The following TEX14 variants were observed in gnomAD, a reference collection of about 807,000 sequenced individuals.
TEX14 encodes testis expressed 14, intercellular bridge forming factor, also known as inactive serine/threonine-protein kinase TEX14.
Under a neutral mutation model 178.6 loss-of-function variants are expected in TEX14, and 168 were observed. That is an observed-to-expected ratio of 0.94 (90% CI 0.83 to 1.07). TEX14 has a LOEUF of 1.07. Among genes scored for constraint, TEX14 ranks in the 50% least tolerant of loss-of-function variants. The pLI is 0.00. For synonymous variants in TEX14, 626 were observed against 634.1 expected (o/e 0.99, Z 0.19); for missense variants, 1,730 against 1,753.6 (o/e 0.99, Z 0.24).
intron 1 of TEX14, chr17:58,659,471 G>T: frequency 7.9e-6 from 2 of 251,950 alleles, no homozygotes; most frequent in Non-Finnish European, 1.3e-5. Flanking sequence ...AATTTCTCCC[G>T]CGAAGAACGC....
chr17:58,594,769 T>C (rs1370914840), intron 14 of TEX14, among the ~76,000 whole-genome samples: 4 of 152,188 alleles, frequency 2.6e-5, no homozygotes, highest in South Asian at 4.1e-4. Context: ...CAATAAAGGT[T>C]ACAATACTTA....
chr17:58,630,313 C>T, intron 3 of TEX14, 127 bp downstream of exon 3: 4 of 643,998 alleles, frequency 6.2e-6, no homozygotes, highest in South Asian at 6.0e-5. Flanking sequence ...GCCTTGGCCT[C>T]CCAAAGTGCT....
At chr17:58,665,326 G>A (rs2047185513) in intron 1 of TEX14, among the ~76,000 whole-genome samples, 1 of 151,778 alleles carries the variant, frequency 6.6e-6, no homozygotes, top group Non-Finnish European at 1.5e-5. Context: ...TGTTTTGCCT[G>A]GGTGCAATGA....
intron 2 of TEX14, among the ~76,000 whole-genome samples, chr17:58,637,198 G>A (rs572586425): frequency 6.6e-6 from 1 of 152,352 alleles, no homozygotes; most frequent in African/African-American, 2.4e-5. Context: ...TCCAGCCTGG[G>A]TGACAGAACG....
rs1314107209 is a variant in TEX14, at chr17:58,576,421, TTGCAGTGAGCTGAGATCACGCCAC to T, written c.3320+930_3320+953del. On this transcript the variant is annotated intron_variant, in intron 21 of 31. Transcript: ENST00000349033. ...ATCACTTGAACCCGGGAGGTGGAGG[TTGCAGTGAGCTGAGATCACGCCAC>T]TGCAGTGAGCTGAGATCACGCCACT... Among the ~76,000 whole-genome samples the T allele has an allele frequency of 2.3e-3, 352 of 152,064 alleles. 1 individual carries two copies. Among genetic ancestry groups the T allele is most frequent in the East Asian group, 0.013 (68 of 5,176 alleles).
chr17:58,568,608 T>G, intron 26 of TEX14, among the ~76,000 whole-genome samples: 1 of 152,194 alleles, frequency 6.6e-6, no homozygotes, highest in East Asian at 1.9e-4. Flanking sequence ...TCCATAACAA[T>G]GTAACATTTA....
At chr17:58,678,616 T>C (rs934713508) in intron 1 of TEX14, among the ~76,000 whole-genome samples, 18 of 151,822 alleles carry the variant, frequency 1.2e-4, no homozygotes, top group African/African-American at 1.7e-4. Context: ...TAGGTGGGAA[T>C]TGAACAATGA....
At chr17:58,687,625 A>G (rs1004503465) in intron 1 of TEX14, among the ~76,000 whole-genome samples, 2 of 151,894 alleles carry the variant, frequency 1.3e-5, no homozygotes, top group East Asian at 3.9e-4. Flanking sequence ...GAGCCACTGC[A>G]CCCGGCCGTG....
chr17:58,582,970 CTTTT>C (rs34304842), intron 19 of TEX14, among the ~76,000 whole-genome samples: 2 of 134,688 alleles, frequency 1.5e-5, no homozygotes, highest in Non-Finnish European at 1.6e-5. Flanking sequence ...TCACTTCAGT[CTTTT>C]TTTTTTTTTT....
chr17:58,597,894 C>G (rs930550395), intron 14 of TEX14, among the ~76,000 whole-genome samples: 2 of 152,134 alleles, frequency 1.3e-5, no homozygotes, highest in African/African-American at 2.4e-5. Context: ...GCTATACCTC[C>G]TAGCCAGCTC....
Position 58,569,103 on chromosome 17 carries a change from T to C in TEX14, c.3886+89A>G. On this transcript the variant is annotated intron_variant, in intron 26 of 31. Coordinates refer to ENST00000349033, the MANE Select transcript of TEX14 (RefSeq NM_031272.5). The surrounding 1 kb of genome is among the most constrained non-coding windows in gnomAD (Gnocchi z 4.1). ...GCCATCATACAGCCTTTTATACTAG[T>C]GTTCACACTTGAGACAAAGACACCA... The C allele has an allele frequency of 9.1e-7, 1 of 1,101,720 alleles. No homozygotes were observed. The allele number at this position is 1,101,720 out of a possible 1,614,324, so 68.2% of individuals were successfully genotyped here. A position where few individuals can be genotyped will look rare whatever the true frequency, so the allele number is the denominator to read the frequency against.
At position 58,598,992 on chromosome 17, in the gene TEX14, G is replaced by A. The variant is rs776292844; in HGVS notation, c.2353C>T (p.Pro785Ser). ...SREFTNAYKL[P>S]LAVGPPSLNY... is the part of the protein sequence containing the mutation. ...AAAGATGGAGGGCCCACGGCCAGAG[G>A]TAACTTGTAGGCATTTGTAAACTCT... Residue 785 changes from proline to serine, a missense_variant, in exon 14 of 32, where the codon CCT becomes TCT. By Grantham distance (74) the Pro-to-Ser change is moderately conservative. Around this residue, in one of 2 missense-constraint regions of TEX14, gnomAD observed 941 missense variants for 1,072.4 expected, o/e 0.88. Transcript: ENST00000349033. 1 of 1,614,074 alleles carries A rather than the reference G, an allele frequency of 6.2e-7. No homozygotes were observed. Among genetic ancestry groups the A allele is most frequent in the Non-Finnish European group, 8.5e-7 (1 of 1,179,982 alleles).
chr17:58,634,332 G>C (rs1461760661), intron 2 of TEX14, among the ~76,000 whole-genome samples: 1 of 152,148 alleles, frequency 6.6e-6, no homozygotes, highest in Non-Finnish European at 1.5e-5. Context: ...AGGTTTGCTT[G>C]AACCCGAGAG....
At chr17:58,609,170 C>T (rs1403544130) in intron 10 of TEX14, among the ~76,000 whole-genome samples, 11 of 152,124 alleles carry the variant, frequency 7.2e-5, no homozygotes, top group Non-Finnish European at 1.2e-4. Context: ...AGTGCAGTGG[C>T]GTGATCTTGG....
intron 1 of TEX14, among the ~76,000 whole-genome samples, chr17:58,676,896 C>T (rs1445572963): frequency 6.6e-6 from 1 of 151,884 alleles, no homozygotes; most frequent in Non-Finnish European, 1.5e-5. Flanking sequence ...TTTGGGAGGA[C>T]GAGGCAGGCA....
chr17:58,659,342 T>G (rs972241543), intron 1 of TEX14: 63 of 983,498 alleles, frequency 6.4e-5, no homozygotes, highest in Non-Finnish European at 7.5e-5. Context: ...ACCATCGTCC[T>G]CAACACACAA....
intron 28 of TEX14, chr17:58,564,120 G>T (rs1046971693): frequency 6.6e-6 from 1 of 152,150 alleles, no homozygotes; most frequent in East Asian, 1.9e-4. Flanking sequence ...ATGGAAAATA[G>T]TGTGGCAGTT....
intron 14 of TEX14, among the ~76,000 whole-genome samples, chr17:58,596,459 T>C (rs1032177045): frequency 1.3e-5 from 2 of 152,106 alleles, no homozygotes; most frequent in Admixed American, 6.5e-5. Context: ...TTTTGATATC[T>C]TTTGTAGAAA....
intron 1 of TEX14, among the ~76,000 whole-genome samples, chr17:58,663,470 A>AT (rs1190650311): frequency 1.1e-3 from 159 of 145,090 alleles, no homozygotes; most frequent in African/African-American, 1.1e-3. Context: ...CTGAATCTAA[A>AT]TTTTTTTTTT....
Sources: gnomAD v4.1 joint callset for allele counts (sites outside exome capture counted in the v4.1 genomes callset) on GRCh38, gnomAD v4.1.1 for gene constraint, gnomAD v4.1.1 regional missense constraint, Gnocchi (gnomAD v3.1) non-coding constraint, MANE v1.5 for transcripts, NCBI Gene and HGNC (gene_info 2026-07-23, HGNC 2026-07-21) for gene names.